SEMA3A: variants seen among roughly 807,000 people sequenced by gnomAD.
The protein encoded by SEMA3A is semaphorin 3A.
In SEMA3A, 29 loss-of-function variants were observed where a neutral mutation model predicts 97.9. The observed-to-expected ratio is 0.30, with a 90% CI of 0.22 to 0.40. SEMA3A has a LOEUF of 0.40. SEMA3A is among the 10% of genes least tolerant of loss of function. SEMA3A has a pLI of 1.00. For missense variants in SEMA3A, 763 were observed against 951.3 expected (o/e 0.80, Z 2.60); for synonymous variants, 321 against 323.7 (o/e 0.99, Z 0.09).
chr7:84,285,410 G>A (rs949368433), intron 3 of SEMA3A, among the ~76,000 whole-genome samples: 11 of 152,058 alleles, frequency 7.2e-5, no homozygotes, highest in South Asian at 2.1e-4. Context: ...GCATCCATGC[G>A]AAATTTAATT....
chr7:84,386,007 G>C (rs1217147075), intron 1 of SEMA3A, among the ~76,000 whole-genome samples: 2 of 152,132 alleles, frequency 1.3e-5, no homozygotes, highest in African/African-American at 4.8e-5. Context: ...TATTTGTCAA[G>C]TACATGATCT....
intron 12 of SEMA3A, among the ~76,000 whole-genome samples, chr7:83,995,701 G>T (rs1203350840): frequency 1.0e-5 from 1 of 97,694 alleles, no homozygotes; most frequent in South Asian, 3.5e-4. Flanking sequence ...ATTGGTGTTC[G>T]AGTAAAAATA....
chr7:84,393,317 A>G lies in SEMA3A; in HGVS notation c.-245-21417T>C, dbSNP rs77206619. Among the ~76,000 whole-genome samples the G allele has an allele frequency of 0.011, 1,722 of 152,128 alleles. 77 individuals carry two copies. The East Asian group carries it at 0.16, about 14-fold the overall frequency. On this transcript the variant is annotated intron_variant, in intron 1 of 3. Transcript: ENST00000424555. ...TTGAAGAGTCTTTTTTCCATTGTTT[A>G]TTCTTGGGAACTTTGTTGAAAATCA...
At chr7:84,067,017 A>G (rs959986840) in intron 4 of SEMA3A, among the ~76,000 whole-genome samples, 2 of 152,172 alleles carry the variant, frequency 1.3e-5, no homozygotes, top group African/African-American at 4.8e-5. Flanking sequence ...CCTGACTTCA[A>G]ACTATACTAC....
At position 84,377,981 on chromosome 7, in the gene SEMA3A, C is replaced by T. The variant is rs548426299; in HGVS notation, c.-245-6081G>A. Among the ~76,000 whole-genome samples, 5 of 152,166 alleles carry T rather than the reference C, an allele frequency of 3.3e-5. No homozygotes were observed. The South Asian group carries it at 1.0e-3, about 32-fold the overall frequency. On this transcript the variant is annotated intron_variant, in intron 1 of 3. Coordinates refer to the SEMA3A transcript ENST00000424555. Reference sequence around the variant, plus strand: ...ACATGTGGTGCTATCTTAAGGGATACAATTTATACTTGTCCCCTCGGGTTC... The same window carrying T: ...ACATGTGGTGCTATCTTAAGGGATATAATTTATACTTGTCCCCTCGGGTTC...
At chr7:83,985,590 A>G in intron 12 of SEMA3A, 113 bp from the exon 13 acceptor site, 1 of 803,702 alleles carries the variant, frequency 1.2e-6, no homozygotes, top group Non-Finnish European at 2.1e-6. Context: ...CAGTGTCCAC[A>G]AGAAGCAATG....
intron 10 of SEMA3A, among the ~76,000 whole-genome samples, chr7:84,006,433 G>C (rs564414570): frequency 6.6e-6 from 1 of 151,888 alleles, no homozygotes; most frequent in African/African-American, 2.4e-5. Context: ...TGCACAAAAA[G>C]ACCAATCAGA....
intron 2 of SEMA3A, among the ~76,000 whole-genome samples, chr7:84,339,592 C>T (rs1022769531): frequency 3.9e-5 from 6 of 152,006 alleles, no homozygotes; most frequent in African/African-American, 1.4e-4. Context: ...AAAACTTTCC[C>T]CCATCATTGT....
chr7:84,318,093 C>CT (rs1433920514), intron 2 of SEMA3A, among the ~76,000 whole-genome samples: 1 of 145,898 alleles, frequency 6.9e-6, no homozygotes, highest in Non-Finnish European at 1.6e-5. Flanking sequence ...CAATATTGCT[C>CT]TTTTTTAACA....
intron 12 of SEMA3A, among the ~76,000 whole-genome samples, chr7:83,992,658 G>C (rs1790011717): frequency 6.6e-6 from 1 of 151,456 alleles, no homozygotes; most frequent in Non-Finnish European, 1.5e-5. Flanking sequence ...CTGAGTTCTA[G>C]TTTGATTGCA....
chr7:84,281,233 C>T (rs1303604126), intron 3 of SEMA3A, among the ~76,000 whole-genome samples: 1 of 152,116 alleles, frequency 6.6e-6, no homozygotes, highest in African/African-American at 2.4e-5. Context: ...CCTTACTCCT[C>T]AGTTACTATC....
intron 3 of SEMA3A, among the ~76,000 whole-genome samples, chr7:84,261,805 C>T (rs955042069): frequency 6.6e-6 from 1 of 152,242 alleles, no homozygotes; most frequent in Non-Finnish European, 1.5e-5. Context: ...GTGGGTGGAA[C>T]AAGCCCAGTG....
intron 12 of SEMA3A, among the ~76,000 whole-genome samples, chr7:83,998,664 C>T (rs1278682030): frequency 1.3e-5 from 2 of 151,186 alleles, no homozygotes; most frequent in Non-Finnish European, 2.9e-5. Context: ...ATTTTTAAAA[C>T]TTTTTGATGC....
intron 4 of SEMA3A, among the ~76,000 whole-genome samples, chr7:84,062,242 A>C (rs1022845511): frequency 5.3e-5 from 8 of 152,238 alleles, no homozygotes; most frequent in African/African-American, 1.7e-4. Flanking sequence ...TATTACATTG[A>C]GATGTTTATA....
At chr7:84,106,452 T>C (rs1795111696) in intron 4 of SEMA3A, among the ~76,000 whole-genome samples, 1 of 152,148 alleles carries the variant, frequency 6.6e-6, no homozygotes, top group African/African-American at 2.4e-5. Context: ...GTAAGTACAC[T>C]CTATGATTTT....
intron 1 of SEMA3A, among the ~76,000 whole-genome samples, chr7:84,480,310 G>A (rs1172811700): frequency 1.3e-5 from 2 of 152,174 alleles, no homozygotes; most frequent in African/African-American, 2.4e-5. Context: ...ATGGAGAATG[G>A]AAGGTAAGGG....
At chr7:84,086,525 ATATAT>A (rs1201106695) in intron 4 of SEMA3A, among the ~76,000 whole-genome samples, 3 of 68,292 alleles carry the variant, frequency 4.4e-5, no homozygotes, top group African/African-American at 1.1e-4. Context: ...TTTATATATA[ATATAT>A]TATTATATTA....
At chr7:84,263,886 A>G (rs1024445854) in intron 3 of SEMA3A, among the ~76,000 whole-genome samples, 4 of 152,188 alleles carry the variant, frequency 2.6e-5, no homozygotes, top group Non-Finnish European at 5.9e-5. Flanking sequence ...CTGTTAGTAA[A>G]ACTTTTCTTT....
intron 1 of SEMA3A, among the ~76,000 whole-genome samples, chr7:84,475,008 C>T (rs989802077): frequency 2.4e-4 from 36 of 152,078 alleles, no homozygotes; most frequent in African/African-American, 8.2e-4. Context: ...AGTGAAACAT[C>T]TGTGACATCA....
Sources: allele counts gnomAD v4.1 joint callset (sites outside exome capture counted in the v4.1 genomes callset), GRCh38; gene constraint gnomAD v4.1.1; transcripts MANE v1.5; gene names NCBI Gene and HGNC (gene_info 2026-07-23, HGNC 2026-07-21).